RUNX1: variants seen among roughly 807,000 people sequenced by gnomAD.
RUNX1 encodes the protein RUNX family transcription factor 1.
A neutral mutation model predicts 42.8 loss-of-function variants in RUNX1; 19 were observed. The observed-to-expected ratio is 0.44, with a 90% CI of 0.31 to 0.65. The LOEUF (loss-of-function observed/expected upper bound fraction) is 0.65. Among genes scored for constraint, RUNX1 ranks in the 30% least tolerant of loss-of-function variants. The pLI is 0.07. For synonymous variants in RUNX1, 271 were observed against 289.4 expected (o/e 0.94, Z 0.64); for missense variants, 528 against 672.0 (o/e 0.79, Z 2.37).
At chr21:35,013,096 G>A (rs150614073) in intron 2 of RUNX1, among the ~76,000 whole-genome samples, 44 of 152,350 alleles carry the variant, frequency 2.9e-4, no homozygotes, top group African/African-American at 8.7e-4. Context: ...GAACGTCCAT[G>A]TTATCGCATG....
At chr21:34,916,339 C>T (rs557760573) in intron 2 of RUNX1, among the ~76,000 whole-genome samples, 81 of 152,294 alleles carry the variant, frequency 5.3e-4, no homozygotes, top group Middle Eastern at 3.4e-3. Context: ...CCATGTTCAA[C>T]GAACATAATA....
intron 7 of RUNX1, among the ~76,000 whole-genome samples, chr21:34,809,911 G>A (rs1400329046): frequency 6.6e-6 from 1 of 152,214 alleles, no homozygotes; most frequent in East Asian, 1.9e-4. Flanking sequence ...TGTCGATATT[G>A]GAGAATACGA....
chr21:35,005,230 C>G lies in RUNX1; in HGVS notation c.58+43612G>C, dbSNP rs112804284. ...GGAGAGATGAAGACAGAGATACAGA[C>G]AGAGATGAGAGAGGCTGCATTTTAC... On this transcript the variant is annotated intron_variant, in intron 2 of 8. Coordinates refer to ENST00000675419, the MANE Select transcript of RUNX1 (RefSeq NM_001754.5). Among the ~76,000 whole-genome samples the G allele has an allele frequency of 1.3e-3, 192 of 152,068 alleles. 2 individuals are homozygous for G. The highest frequency in any genetic ancestry group is 4.5e-3 in the African/African-American group (187 of 41,460).
intron 2 of RUNX1, among the ~76,000 whole-genome samples, chr21:35,005,242 A>G (rs1015352293): frequency 5.3e-5 from 8 of 152,092 alleles, no homozygotes; most frequent in Admixed American, 4.6e-4. Context: ...GAGATGAGAG[A>G]GGCTGCATTT....
intron 6 of RUNX1, among the ~76,000 whole-genome samples, chr21:34,835,871 T>C (rs2057138643): frequency 1.3e-5 from 2 of 152,096 alleles, no homozygotes; most frequent in Non-Finnish European, 2.9e-5. Flanking sequence ...CAGCCTGGGG[T>C]AAGAGCAGAC....
rs192442685 is a variant in RUNX1, at chr21:34,841,782, G to T, written c.614-7181C>A. On this transcript the variant is annotated intron_variant, in intron 6 of 8. Transcript: ENST00000675419. Reference sequence around the variant, plus strand: ...TGAAATGTCATCTTCTCCCTGAGGAGTTCCTGGAGATCCCCTTTTAAGTTG... The same window carrying T: ...TGAAATGTCATCTTCTCCCTGAGGATTTCCTGGAGATCCCCTTTTAAGTTG... 5.2e-3 allele frequency among the ~76,000 whole-genome samples: 799 copies of T among 152,290 alleles called. 4 individuals carry two copies. The highest frequency in any genetic ancestry group is 7.2e-3 in the Non-Finnish European group (488 of 68,032).
chr21:35,011,496 C>T (rs1160972304), intron 2 of RUNX1, among the ~76,000 whole-genome samples: 2 of 152,152 alleles, frequency 1.3e-5, no homozygotes, highest in South Asian at 2.1e-4. Context: ...TGGATCCCTC[C>T]GTGGGTTGAA....
intron 5 of RUNX1, among the ~76,000 whole-genome samples, chr21:34,879,266 G>A (rs1252795715): frequency 6.6e-6 from 1 of 152,140 alleles, no homozygotes; most frequent in Non-Finnish European, 1.5e-5. Context: ...CATCACTCAT[G>A]CTTTCAAAAA....
chr21:34,791,768 A>G lies in RUNX1; in HGVS notation c.*367T>C, dbSNP rs1457037097. 1 of 226,944 alleles carries G rather than the reference A, an allele frequency of 4.4e-6. No homozygotes were observed. Among genetic ancestry groups the G allele is most frequent in the Non-Finnish European group, 8.8e-6 (1 of 113,770 alleles). 14.1% of individuals were successfully genotyped at this position (226,944 alleles called of 1,614,324 possible). ...TAAAAAGTTAAGTCAAGGGTATAAA[A>G]TCTTTCTTTTTATTCACAGCATTGC... On this transcript the variant is annotated 3_prime_UTR_variant, in exon 9 of 9. Coordinates refer to ENST00000675419, the MANE Select transcript of RUNX1 (RefSeq NM_001754.5).
At chr21:34,941,282 C>T (rs373090612) in intron 2 of RUNX1, among the ~76,000 whole-genome samples, 9 of 152,202 alleles carry the variant, frequency 5.9e-5, no homozygotes, top group African/African-American at 9.7e-5. Flanking sequence ...TGATGCTAAC[C>T]GTATTCTAAA....
intron 6 of RUNX1, among the ~76,000 whole-genome samples, chr21:34,844,581 A>C (rs1448851459): frequency 6.8e-6 from 1 of 147,004 alleles, no homozygotes; most frequent in Non-Finnish European, 1.5e-5. Context: ...TGGACAAATA[A>C]ATGAATGAGT....
intron 5 of RUNX1, among the ~76,000 whole-genome samples, chr21:34,873,687 T>A (rs1403911007): frequency 2.0e-5 from 3 of 152,164 alleles, no homozygotes; most frequent in Admixed American, 2.0e-4. Context: ...CAAATGGAGC[T>A]CCTGAATGGG....
At chr21:34,962,181 C>T (rs2058686297) in intron 2 of RUNX1, among the ~76,000 whole-genome samples, 2 of 152,242 alleles carry the variant, frequency 1.3e-5, no homozygotes, top group Non-Finnish European at 2.9e-5. Flanking sequence ...GCATGTGCCA[C>T]TGTGCCCAGC....
At chr21:34,853,794 C>T (rs980103336) in intron 6 of RUNX1, among the ~76,000 whole-genome samples, 4 of 146,130 alleles carry the variant, frequency 2.7e-5, no homozygotes, top group African/African-American at 9.8e-5. Flanking sequence ...GGTTCCTTCC[C>T]TTCCTTCCCT....
At chr21:34,893,007 A>G in intron 2 of RUNX1, 44 bp from the exon 3 acceptor site, 1 of 1,352,286 alleles carries the variant, frequency 7.4e-7, no homozygotes, top group African/African-American at 1.4e-5. Flanking sequence ...TGCAAGTTTA[A>G]AAATTAACTT....
At chr21:34,850,414 G>T (rs180980077) in intron 6 of RUNX1, among the ~76,000 whole-genome samples, 1 of 152,162 alleles carries the variant, frequency 6.6e-6, no homozygotes, top group South Asian at 2.1e-4. Context: ...GCTTGGCTGC[G>T]GGGAGAGATC....
Position 34,827,621 on chromosome 21 carries a change from T to TGGGG in RUNX1, c.805+6785_805+6788dup. On this transcript the variant is annotated intron_variant, in intron 7 of 8. Coordinates refer to ENST00000675419, the MANE Select transcript of RUNX1 (RefSeq NM_001754.5). ...GTAGAATGATTTTAGGGGACAGGCC[T>TGGGG]GGGGCACCCTTCATGGGCTCACTGC... Among the ~76,000 whole-genome samples, 3 of 152,302 alleles carry TGGGG rather than the reference T, an allele frequency of 2.0e-5. No homozygotes were observed. In the East Asian group the frequency reaches 5.8e-4, roughly 29 times the overall value.
rs926012840 is a variant in RUNX1 at position 34,950,912 on chromosome 21, C to A, written c.59-57949G>T. On this transcript the variant is annotated intron_variant, in intron 2 of 8. Coordinates refer to ENST00000675419, the MANE Select transcript of RUNX1 (RefSeq NM_001754.5). ...GAGGCACTGACACTCTGCAGAATCC[C>A]AGAAAATATAATTAAAGTTCTGTTT... Among the ~76,000 whole-genome samples, 25 of 152,160 alleles carry A rather than the reference C, an allele frequency of 1.6e-4. 1 individual carries two copies. Among genetic ancestry groups the A allele is most frequent in the African/African-American group, 6.0e-4 (25 of 41,430 alleles).
At chr21:34,910,144 C>G (rs1320609621) in intron 2 of RUNX1, among the ~76,000 whole-genome samples, 1 of 152,224 alleles carries the variant, frequency 6.6e-6, no homozygotes, top group African/African-American at 2.4e-5. Flanking sequence ...ATTCCTAGTT[C>G]AGTGCTGTCT....
Sources: allele counts gnomAD v4.1 joint callset (sites outside exome capture counted in the v4.1 genomes callset), GRCh38; gene constraint gnomAD v4.1.1; transcripts MANE v1.5; gene names NCBI Gene and HGNC (gene_info 2026-07-23, HGNC 2026-07-21).